Variants in DPP10 observed in about 807,000 individuals in gnomAD.
DPP10 encodes inactive dipeptidyl peptidase 10.
A neutral mutation model predicts 120.9 loss-of-function variants in DPP10; 33 were observed. The ratio of observed to expected loss-of-function variants is 0.27; its 90% confidence interval spans 0.21 to 0.37. The LOEUF (loss-of-function observed/expected upper bound fraction) is 0.37. Ranked by LOEUF, DPP10 falls within the 10% of genes least tolerant of loss-of-function variation. The pLI is 1.00. For synonymous variants in DPP10, 337 were observed against 326.1 expected (o/e 1.03, Z -0.36); for missense variants, 816 against 942.8 (o/e 0.87, Z 1.76).
chr2:115,225,974 G>A (rs1250005860), intron 1 of DPP10, among the ~76,000 whole-genome samples: 1 of 151,994 alleles, frequency 6.6e-6, no homozygotes, highest in East Asian at 1.9e-4. Context: ...CTCACTAGCA[G>A]TATCATTTCC....
chr2:114,836,719 C>T lies in DPP10; in HGVS notation c.60+393881C>T, dbSNP rs1228721246. Among the ~76,000 whole-genome samples the T allele has an allele frequency of 4.6e-5, 7 of 152,212 alleles. No individual in the cohort carries two copies. The East Asian group carries it at 1.4e-3, about 29-fold the overall frequency. ...CAAAAATGTATTAGGCGGGAATTTC[C>T]TCGTCCTAATAAACCTGTGAGCACT... On this transcript the variant is annotated intron_variant, in intron 1 of 25. Transcript: ENST00000410059.
At chr2:115,617,545 T>G (rs140805286) in intron 5 of DPP10, among the ~76,000 whole-genome samples, 1 of 151,936 alleles carries the variant, frequency 6.6e-6, no homozygotes, top group East Asian at 1.9e-4. Context: ...ATATTTTTAC[T>G]ATATCTTTTC....
intron 1 of DPP10, among the ~76,000 whole-genome samples, chr2:114,950,469 AT>A (rs35353548): frequency 7.6e-5 from 11 of 145,260 alleles, no homozygotes; most frequent in East Asian, 4.0e-4. Context: ...TAATTTTTTT[AT>A]TTTTTTTTTG....
intron 1 of DPP10, among the ~76,000 whole-genome samples, chr2:115,083,159 A>G (rs1468656617): frequency 2.0e-5 from 3 of 152,002 alleles, no homozygotes; most frequent in Non-Finnish European, 2.9e-5. Flanking sequence ...TGTTTTCCTT[A>G]TAAGTATCAG....
At chr2:114,768,021 G>A (rs1680891751) in intron 1 of DPP10, among the ~76,000 whole-genome samples, 1 of 151,854 alleles carries the variant, frequency 6.6e-6, no homozygotes, top group Admixed American at 6.6e-5. Flanking sequence ...CCAGCTACTT[G>A]GGAGGCTGAA....
At chr2:114,907,328 T>C (rs1272508858) in intron 1 of DPP10, among the ~76,000 whole-genome samples, 1 of 152,048 alleles carries the variant, frequency 6.6e-6, no homozygotes, top group Non-Finnish European at 1.5e-5. Context: ...ATTATTCCCT[T>C]CTTTATACTT....
chr2:115,192,004 G>A (rs1057106967), intron 1 of DPP10, among the ~76,000 whole-genome samples: 1 of 152,172 alleles, frequency 6.6e-6, no homozygotes, highest in African/African-American at 2.4e-5. Context: ...TCTTTTTGGG[G>A]AACAGTTCAG....
chr2:114,926,221 C>T (rs142252248), intron 1 of DPP10, among the ~76,000 whole-genome samples: 122 of 152,204 alleles, frequency 8.0e-4, no homozygotes, highest in Non-Finnish European at 1.3e-3. Flanking sequence ...GCAAAGAAGA[C>T]GGAATTTAAG....
intron 1 of DPP10, among the ~76,000 whole-genome samples, chr2:114,608,287 A>G (rs1692987537): frequency 6.6e-6 from 1 of 152,158 alleles, no homozygotes; most frequent in Non-Finnish European, 1.5e-5. Context: ...CTCAAAGCTG[A>G]CATACTTACC....
intron 1 of DPP10, among the ~76,000 whole-genome samples, chr2:114,801,262 CAAAAAA>C (rs1174819592): frequency 5.0e-5 from 3 of 59,688 alleles, no homozygotes; most frequent in South Asian, 1.1e-3. Flanking sequence ...GACTCTGTAT[CAAAAAA>C]AAAAAAAAAA....
intron 5 of DPP10, among the ~76,000 whole-genome samples, chr2:115,595,048 G>T (rs548135022): frequency 6.6e-6 from 1 of 152,068 alleles, no homozygotes; most frequent in South Asian, 2.1e-4. Flanking sequence ...TATCTAAAAA[G>T]CTAATGAGGT....
intron 1 of DPP10, among the ~76,000 whole-genome samples, chr2:114,509,534 T>C (rs1482453213): frequency 6.6e-6 from 1 of 152,194 alleles, no homozygotes; most frequent in African/African-American, 2.4e-5. Context: ...AGGTCTCTGA[T>C]GGAAATAGCA....
At chr2:115,105,918 A>G (rs1020406117) in intron 1 of DPP10, among the ~76,000 whole-genome samples, 3 of 152,216 alleles carry the variant, frequency 2.0e-5, no homozygotes, top group Non-Finnish European at 4.4e-5. Context: ...GAAAGTTCTT[A>G]AAAGAAATGT....
At chr2:115,644,803 G>C (rs918171624) in intron 5 of DPP10, among the ~76,000 whole-genome samples, 25 of 152,020 alleles carry the variant, frequency 1.6e-4, no homozygotes, top group African/African-American at 6.0e-4. Context: ...AATTTAAAAA[G>C]TTATTAATTG....
chr2:115,141,310 G>A (rs1387272870), intron 1 of DPP10, among the ~76,000 whole-genome samples: 1 of 152,166 alleles, frequency 6.6e-6, no homozygotes, highest in Non-Finnish European at 1.5e-5. Context: ...TTTAGGCAGG[G>A]AGGAAAGGAA....
intron 1 of DPP10, among the ~76,000 whole-genome samples, chr2:115,217,433 C>G (rs2056898450): frequency 6.6e-6 from 1 of 152,096 alleles, no homozygotes; most frequent in Non-Finnish European, 1.5e-5. Flanking sequence ...AAGAGTTTGG[C>G]ATTTTTGTTT....
At chr2:115,769,385 A>C (rs942496311) in intron 13 of DPP10, among the ~76,000 whole-genome samples, 1 of 152,078 alleles carries the variant, frequency 6.6e-6, no homozygotes, top group African/African-American at 2.4e-5. Context: ...ATCCATATAC[A>C]TTTGTATTGG....
chr2:114,465,996 C>A (rs533212475), intron 1 of DPP10, among the ~76,000 whole-genome samples: 2 of 152,166 alleles, frequency 1.3e-5, no homozygotes, highest in Admixed American at 6.5e-5. Context: ...TGCTTCCCCC[C>A]ACCCCTACCT....
chr2:114,705,812 C>A (rs556673422), intron 1 of DPP10, among the ~76,000 whole-genome samples: 1 of 152,084 alleles, frequency 6.6e-6, no homozygotes, highest in Non-Finnish European at 1.5e-5. Flanking sequence ...CTATATTGCC[C>A]TAATTACCAA....
Sources: gnomAD v4.1 joint callset for allele counts (sites outside exome capture counted in the v4.1 genomes callset) on GRCh38, gnomAD v4.1.1 for gene constraint, MANE v1.5 for transcripts, NCBI Gene and HGNC (gene_info 2026-07-23, HGNC 2026-07-21) for gene names.